The following UBE3B variants were observed in gnomAD, a reference collection of about 807,000 sequenced individuals.
UBE3B encodes ubiquitin protein ligase E3B.
In UBE3B, 80 loss-of-function variants were observed where a neutral mutation model predicts 132.3. The ratio of observed to expected loss-of-function variants is 0.60; its 90% CI spans 0.50 to 0.73. The LOEUF (loss-of-function observed/expected upper bound fraction) is 0.73. Among genes scored for constraint, UBE3B ranks in the 30% least tolerant of loss-of-function variants. UBE3B has a pLI of 0.00. For synonymous variants in UBE3B, 487 were observed against 520.4 expected, an observed-to-expected ratio of 0.94 and a Z score of 0.87; for missense variants, 1,196 against 1,362.5, an observed-to-expected ratio of 0.88 and a Z score of 1.92.
chr12:109,497,307 A>C (rs1878335004), intron 9 of UBE3B, among the ~76,000 whole-genome samples: 1 of 151,814 alleles, frequency 6.6e-6, no homozygotes, highest in Non-Finnish European at 1.5e-5. Flanking sequence ...ACTTATATAT[A>C]GTATACATAC....
At chr12:109,495,238 G>A (rs1878023849) in intron 9 of UBE3B, among the ~76,000 whole-genome samples, 1 of 152,192 alleles carries the variant, frequency 6.6e-6, no homozygotes, top group Non-Finnish European at 1.5e-5. Flanking sequence ...AGTATATAGT[G>A]TGAATTCTGA....
At chr12:109,499,069 C>T (rs548649126) in intron 11 of UBE3B, among the ~76,000 whole-genome samples, 22 of 152,216 alleles carry the variant, frequency 1.4e-4, no homozygotes, top group Non-Finnish European at 2.8e-4. Context: ...ACAATCCACA[C>T]GCCTCAGCCT....
chr12:109,540,238 GTTGCCCAGGCTGGATCAAGA>G (rs1198086508), downstream of UBE3B, among the ~76,000 whole-genome samples: 2 of 152,086 alleles, frequency 1.3e-5, no homozygotes, highest in African/African-American at 2.4e-5. Context: ...GTCTTGCTGT[GTTGCCCAGGCTGGATCAAGA>G]TTGCCCAGGC....
At chr12:109,501,634 C>G (rs1879010251) in intron 13 of UBE3B, 100 bp downstream of exon 13, 3 of 1,408,350 alleles carry the variant, frequency 2.1e-6, no homozygotes, top group African/African-American at 2.9e-5. Flanking sequence ...GTGGGATGCT[C>G]TAACTTTGTT....
intron 23 of UBE3B, 116 bp from the exon 24 acceptor site, chr12:109,526,242 G>T: frequency 9.7e-7 from 1 of 1,033,496 alleles, no homozygotes; most frequent in South Asian, 1.4e-5. Context: ...TCCCAAGCAT[G>T]TGCCATCTTA....
intron 26 of UBE3B, among the ~76,000 whole-genome samples, chr12:109,531,948 C>T (rs1882979617): frequency 6.6e-6 from 1 of 152,010 alleles, no homozygotes; most frequent in African/African-American, 2.4e-5. Context: ...CATGTGCCTG[C>T]CCTTTTGTGC....
chr12:109,481,910 C>T (rs889178825), intron 2 of UBE3B, among the ~76,000 whole-genome samples, 168 bp downstream of exon 2: 13 of 152,120 alleles, frequency 8.5e-5, no homozygotes, highest in African/African-American at 3.1e-4. Context: ...TAATACCTTC[C>T]CTCCTGTGGT....
downstream of UBE3B, among the ~76,000 whole-genome samples, chr12:109,540,009 CAGCCTGCTGG>C (rs1883578897): frequency 6.6e-6 from 1 of 151,986 alleles, no homozygotes. Context: ...CCGAGAGAGC[CAGCCTGCTGG>C]AGCCCACCAG....
chr12:109,511,163 C>T (rs1227014649), intron 17 of UBE3B, 41 bp from the exon 18 acceptor site: 2 of 1,593,508 alleles, frequency 1.3e-6, no homozygotes, highest in Non-Finnish European at 1.7e-6. Flanking sequence ...AGGATGGTTT[C>T]CTTCTTTTAA....
At chr12:109,512,229 A>G (rs182395476) in intron 18 of UBE3B, among the ~76,000 whole-genome samples, 2 of 152,270 alleles carry the variant, frequency 1.3e-5, no homozygotes, top group African/African-American at 4.8e-5. Context: ...ACAGCACCCA[A>G]GTCTGCTGAC....
chr12:109,532,692 G>A (rs1252241525), intron 26 of UBE3B, among the ~76,000 whole-genome samples: 1 of 152,244 alleles, frequency 6.6e-6, no homozygotes, highest in African/African-American at 2.4e-5. Context: ...CGCAGGGGCT[G>A]CCGCTTGGAG....
chr12:109,516,346 A>G (rs1026188137), intron 18 of UBE3B, among the ~76,000 whole-genome samples: 1 of 151,112 alleles, frequency 6.6e-6, no homozygotes, highest in Non-Finnish European at 1.5e-5. Flanking sequence ...TAATTTTTGT[A>G]TTTTGTATTT....
In UBE3B at chr12:109,524,484, A is replaced by G. The variant is rs1321182888; in HGVS notation, c.2549A>G (p.Asp850Gly). 2.5e-6 allele frequency: 4 copies of G among 1,614,036 alleles called. No homozygotes were observed. In the African/African-American group the frequency reaches 5.3e-5, roughly 22 times the overall value. Residue 850 changes from aspartate to glycine, a missense_variant, in exon 23 of 28, where the codon GAC (aspartate) becomes GGC (glycine). Coordinates refer to ENST00000342494, the MANE Select transcript of UBE3B (RefSeq NM_130466.4). ...ITDLGLTLSY[D>G]EDVMGQLVCH... ...GACCTGGGCCTGACGCTGTCTTACG[A>G]CGAGGACGTCATGGGTCAGGTAGGT...
chr12:109,542,833 G>A, the UBE3B span, among the ~76,000 whole-genome samples: 1 of 152,206 alleles, frequency 6.6e-6, no homozygotes, highest in Non-Finnish European at 1.5e-5. Flanking sequence ...ATTGTGAGAG[G>A]ATGAATGTCT....
chr12:109,533,979 C>T, intron 27 of UBE3B: 3 of 1,300,142 alleles, frequency 2.3e-6, no homozygotes, highest in Non-Finnish European at 3.0e-6. Context: ...TGCTTCATTT[C>T]CTCATTGGCC....
At position 109,522,319 on chromosome 12, in the gene UBE3B, C is replaced by T. The variant is rs1265989280; in HGVS notation, c.2364+768C>T. On this transcript the variant is annotated intron_variant, in intron 21 of 27. Transcript: ENST00000342494. The surrounding 1 kb of genome is among the most constrained non-coding windows in gnomAD (Gnocchi z 4.2). ...TCAGGGTGATGTGGCCCACACAGCT[C>T]CTGTCCATTGAAACCCCGTCCATTG... 6.6e-6 allele frequency among the ~76,000 whole-genome samples: 1 copy of T among 152,146 alleles called. No homozygotes were observed. Among genetic ancestry groups the T allele is most frequent in the African/African-American group, 2.4e-5 (1 of 41,432 alleles).
In UBE3B at chr12:109,534,510, C is replaced by T. The variant is rs1883271015; in HGVS notation, c.3016-81C>T. ...ATCCAGGGACTGGCCAGATCCCCTCCCTGGGCTCCCTGGCCTTGGCATCAG... is the reference window on the plus strand; with the variant it reads ...ATCCAGGGACTGGCCAGATCCCCTCTCTGGGCTCCCTGGCCTTGGCATCAG... On this transcript the variant is annotated intron_variant, in intron 27 of 27. Coordinates refer to ENST00000342494, the MANE Select transcript of UBE3B (RefSeq NM_130466.4). The surrounding 1 kb of genome is among the most constrained non-coding windows in gnomAD (Gnocchi z 5.2). The T allele has an allele frequency of 3.9e-6, 6 of 1,525,956 alleles. No individual in the cohort carries two copies. The highest frequency in any genetic ancestry group is 4.5e-4 in the Middle Eastern group (2 of 4,466). 94.5% of individuals were successfully genotyped at this position (1,525,956 alleles called of 1,614,324 possible).
At chr12:109,499,908 T>C (rs1878748868) in intron 12 of UBE3B, 98 bp downstream of exon 12, 1 of 1,160,802 alleles carries the variant, frequency 8.6e-7, no homozygotes, top group Admixed American at 3.6e-5. Flanking sequence ...TTGTTTCTTA[T>C]TATAAAAATA....
chr12:109,532,004 G>A (rs1162629461), intron 26 of UBE3B, among the ~76,000 whole-genome samples: 5 of 151,978 alleles, frequency 3.3e-5, no homozygotes, highest in Admixed American at 3.3e-4. Context: ...TGTAACCCTT[G>A]CCCAGGAGTG....
Sources: gnomAD v4.1 joint callset for allele counts (sites outside exome capture counted in the v4.1 genomes callset) on GRCh38, gnomAD v4.1.1 for gene constraint, Gnocchi (gnomAD v3.1) non-coding constraint, MANE v1.5 for transcripts, NCBI Gene and HGNC (gene_info 2026-07-23, HGNC 2026-07-21) for gene names.